The following ARHGAP24 variants were observed in gnomAD, a reference collection of about 807,000 sequenced individuals.
ARHGAP24 encodes the protein Rho GTPase activating protein 24, also known as rho GTPase-activating protein 24.
In ARHGAP24, 50 loss-of-function variants were observed where a neutral mutation model predicts 76.4. The ratio of observed to expected loss-of-function variants is 0.65; its 90% CI spans 0.52 to 0.83. The LOEUF is 0.83. Ranked by LOEUF, ARHGAP24 falls within the 40% of genes least tolerant of loss-of-function variation. ARHGAP24 has a pLI of 0.00. For missense variants in ARHGAP24, 930 were observed against 914.2 expected (o/e 1.02, Z -0.22); for synonymous variants, 345 against 323.3 (o/e 1.07, Z -0.72).
intron 3 of ARHGAP24, among the ~76,000 whole-genome samples, chr4:85,830,471 A>G (rs1201738328): frequency 6.6e-6 from 1 of 152,152 alleles, no homozygotes; most frequent in Non-Finnish European, 1.5e-5. Context: ...ACAATTGTTT[A>G]TACATACCGA....
chr4:85,568,651 A>G (rs1384368870), intron 1 of ARHGAP24, among the ~76,000 whole-genome samples: 5 of 152,190 alleles, frequency 3.3e-5, no homozygotes, highest in African/African-American at 1.2e-4. Context: ...GTCTGCAGAC[A>G]CACGGGCACA....
chr4:85,797,200 T>A (rs1728387158), intron 3 of ARHGAP24, among the ~76,000 whole-genome samples: 1 of 151,842 alleles, frequency 6.6e-6, no homozygotes, highest in Non-Finnish European at 1.5e-5. Flanking sequence ...TTGAGATGAG[T>A]CTTGCTCTGT....
At chr4:85,572,361 G>A (rs999875294) in intron 2 of ARHGAP24, among the ~76,000 whole-genome samples, 2 of 152,062 alleles carry the variant, frequency 1.3e-5, no homozygotes, top group Non-Finnish European at 2.9e-5. Flanking sequence ...TATCCCAGGC[G>A]ATATGATAAT....
intron 5 of ARHGAP24, among the ~76,000 whole-genome samples, chr4:85,949,474 C>A (rs186801885): frequency 6.6e-6 from 1 of 152,328 alleles, no homozygotes; most frequent in Non-Finnish European, 1.5e-5. Context: ...GCTTTACTGA[C>A]AAGACAGGTG....
chr4:85,833,939 G>A (rs1730129055), intron 3 of ARHGAP24, among the ~76,000 whole-genome samples: 1 of 152,228 alleles, frequency 6.6e-6, no homozygotes, highest in Admixed American at 6.5e-5. Flanking sequence ...AAATCCATGA[G>A]CAAGTTGGGA....
chr4:85,872,027 TAA>T, intron 3 of ARHGAP24, among the ~76,000 whole-genome samples: 1 of 151,496 alleles, frequency 6.6e-6, no homozygotes, highest in East Asian at 1.9e-4. Context: ...CACCATATAT[TAA>T]GTCTCACTTA....
chr4:85,908,871 A>G (rs1560710994), intron 3 of ARHGAP24, among the ~76,000 whole-genome samples: 2 of 152,168 alleles, frequency 1.3e-5, no homozygotes, highest in African/African-American at 4.8e-5. Flanking sequence ...GAAAAAAAAA[A>G]AGAAAGCCTT....
At chr4:85,636,038 A>G (rs1721297150) in intron 2 of ARHGAP24, among the ~76,000 whole-genome samples, 1 of 151,514 alleles carries the variant, frequency 6.6e-6, no homozygotes, top group South Asian at 2.1e-4. Flanking sequence ...AAATGAACTA[A>G]CTCACATTAT....
At chr4:85,991,943 T>C in intron 8 of ARHGAP24, 1 of 388,496 alleles carries the variant, frequency 2.6e-6, no homozygotes, top group Non-Finnish European at 4.5e-6. Flanking sequence ...TCCCTAGGTT[T>C]TTTTTAAAGA....
chr4:85,849,522 T>C (rs942898312), intron 3 of ARHGAP24, among the ~76,000 whole-genome samples: 11 of 152,372 alleles, frequency 7.2e-5, no homozygotes, highest in Admixed American at 7.2e-4. Flanking sequence ...CCCTGTCTTA[T>C]GCCAGTTTTC....
rs1734406464 is a variant in ARHGAP24, at chr4:85,900,013, A to G, written c.269-23635A>G. Among the ~76,000 whole-genome samples, 3 of 152,252 alleles carry G rather than the reference A, an allele frequency of 2.0e-5. No homozygotes were observed. In the South Asian group the frequency reaches 6.2e-4, roughly 32 times the overall value. ...AGTAATATCTACTATGTTCTACAACATTAAGATGGCTAATATAACAAAGAA... is the reference window on the plus strand; with the variant it reads ...AGTAATATCTACTATGTTCTACAACGTTAAGATGGCTAATATAACAAAGAA... On this transcript the variant is annotated intron_variant, in intron 3 of 9. Coordinates refer to ENST00000395184, the MANE Select transcript of ARHGAP24 (RefSeq NM_001025616.3).
At chr4:85,518,175 T>C (rs547104515) in intron 1 of ARHGAP24, among the ~76,000 whole-genome samples, 1 of 152,076 alleles carries the variant, frequency 6.6e-6, no homozygotes, top group Admixed American at 6.6e-5. Flanking sequence ...AGAAGCAAAA[T>C]AATATGTAAG....
At chr4:85,874,129 G>A (rs1732687741) in intron 3 of ARHGAP24, among the ~76,000 whole-genome samples, 2 of 152,126 alleles carry the variant, frequency 1.3e-5, no homozygotes, top group African/African-American at 2.4e-5. Flanking sequence ...TTTAAAAACA[G>A]AACAAAAACA....
intron 1 of ARHGAP24, among the ~76,000 whole-genome samples, chr4:85,558,658 G>A (rs1354147405): frequency 6.6e-6 from 1 of 152,112 alleles, no homozygotes; most frequent in Non-Finnish European, 1.5e-5. Context: ...TTAGTGATTA[G>A]CACAAGATTT....
chr4:86,000,556 T>C lies in ARHGAP24; in HGVS notation c.2081T>C (p.Phe694Ser), dbSNP rs1216364515. Reference sequence around the variant, plus strand: ...GAACTGGATCAGGAGAGGAAAAAGTTCACAATGATAGAAATAAAAATGCGA... The same window carrying C: ...GAACTGGATCAGGAGAGGAAAAAGTCCACAATGATAGAAATAAAAATGCGA... ...HDELDQERKKFTMIEIKMRNA... is the reference protein window; with the variant it reads ...HDELDQERKKSTMIEIKMRNA... Residue 694 changes from phenylalanine to serine, a missense_variant, in exon 10 of 10, where the codon TTC becomes TCC. Phe to Ser is a radical substitution (Grantham distance 155). Transcript: ENST00000395184. 1 of 1,609,258 alleles carries C rather than the reference T, an allele frequency of 6.2e-7. No homozygotes were observed. Among genetic ancestry groups the C allele is most frequent in the South Asian group, 1.1e-5 (1 of 90,980 alleles).
chr4:85,968,710 C>T (rs1368191474), intron 5 of ARHGAP24, among the ~76,000 whole-genome samples: 1 of 151,956 alleles, frequency 6.6e-6, no homozygotes, highest in Admixed American at 6.6e-5. Flanking sequence ...TAGATTCTAT[C>T]CAGAAATGAT....
chr4:85,594,891 T>C (rs1012176656), intron 2 of ARHGAP24, among the ~76,000 whole-genome samples: 1 of 152,086 alleles, frequency 6.6e-6, no homozygotes, highest in African/African-American at 2.4e-5. Context: ...TCAATGTTTC[T>C]GCATGTAGGG....
intron 3 of ARHGAP24, among the ~76,000 whole-genome samples, chr4:85,885,625 C>T (rs1183223118): frequency 6.6e-6 from 1 of 152,004 alleles, no homozygotes; most frequent in Admixed American, 6.6e-5. Flanking sequence ...ATACCATGAA[C>T]TTTTAATACT....
At chr4:85,933,854 T>C (rs985160969) in intron 4 of ARHGAP24, among the ~76,000 whole-genome samples, 2 of 152,198 alleles carry the variant, frequency 1.3e-5, no homozygotes, top group African/African-American at 4.8e-5. Context: ...TCTTGATTTT[T>C]TCGTGAACTA....
Sources: allele counts gnomAD v4.1 joint callset (sites outside exome capture counted in the v4.1 genomes callset), GRCh38; gene constraint gnomAD v4.1.1; transcripts MANE v1.5; gene names NCBI Gene and HGNC (gene_info 2026-07-23, HGNC 2026-07-21).